The following DMD variants were observed in gnomAD, a reference collection of about 807,000 sequenced individuals.
The protein encoded by DMD is dystrophin.
Under a neutral mutation model 330.1 loss-of-function variants are expected in DMD, and 63 were observed. The observed-to-expected ratio is 0.19, with a 90% CI of 0.16 to 0.24. DMD has a LOEUF of 0.24. Among genes scored for constraint, DMD ranks in the 10% least tolerant of loss-of-function variants. The probability of loss-of-function intolerance (pLI) is 1.00; values close to 1 mark genes in which losing one functional copy is unlikely to be tolerated. For missense variants in DMD, 3,344 were observed against 2,684.1 expected (o/e 1.25, Z -5.43); for synonymous variants, 1,223 against 959.8 (o/e 1.27, Z -5.07).
rs761252730 is a variant in DMD, at chrX:32,940,880, G to C, written c.93+79259C>G. On this transcript the variant is annotated intron_variant, in intron 2 of 78. Transcript: ENST00000357033. ...GAGTAACAGACAACCTACGGAACGGGAGAAAATCATTACAAACTACATATC... is the reference window on the plus strand; with the variant it reads ...GAGTAACAGACAACCTACGGAACGGCAGAAAATCATTACAAACTACATATC... Among the ~76,000 whole-genome samples, 4 of 111,454 alleles carry C rather than the reference G, an allele frequency of 3.6e-5. No individual in the cohort carries two copies. In the South Asian group the frequency reaches 1.5e-3, roughly 41 times the overall value.
At chrX:33,330,760 C>T (rs1243089272) in intron 1 of DMD, among the ~76,000 whole-genome samples, 1 of 112,075 alleles carries the variant, frequency 8.9e-6, no homozygotes, top group Non-Finnish European at 1.9e-5. Flanking sequence ...TTTCAAGTGA[C>T]ACTTCAAATA....
chrX:31,303,362 A>G (rs2054798828), intron 62 of DMD, among the ~76,000 whole-genome samples: 1 of 111,183 alleles, frequency 9.0e-6, no homozygotes, highest in Non-Finnish European at 1.9e-5. Context: ...GATGTCACCA[A>G]TCATTTGAAA....
At chrX:32,364,818 A>T (rs1396175883) in intron 35 of DMD, 108 bp from the exon 36 acceptor site, 30 of 932,244 alleles carry the variant, frequency 3.2e-5, no homozygotes, top group Non-Finnish European at 4.5e-5. Flanking sequence ...TTTCATTGAG[A>T]TTAGTTTTAA....
At chrX:33,070,543 A>G (rs1267898985) in intron 1 of DMD, among the ~76,000 whole-genome samples, 2 of 108,809 alleles carry the variant, frequency 1.8e-5, no homozygotes, top group Non-Finnish European at 3.8e-5. Flanking sequence ...ACAAAAGGTA[A>G]AAGAAAAAAA....
intron 44 of DMD, among the ~76,000 whole-genome samples, chrX:32,096,566 C>CA (rs768098478): frequency 1.9e-3 from 175 of 94,561 alleles, no homozygotes; most frequent in African/African-American, 4.5e-3. Flanking sequence ...TAAAAAAATA[C>CA]AAAAAAAAAA....
At chrX:33,119,187 C>T (rs965368932) in intron 1 of DMD, among the ~76,000 whole-genome samples, 1 of 111,944 alleles carries the variant, frequency 8.9e-6, no homozygotes, top group Non-Finnish European at 1.9e-5. Flanking sequence ...GAGAAGGAGG[C>T]ATATAACATG....
At chrX:32,161,328 T>C (rs930779070) in intron 44 of DMD, among the ~76,000 whole-genome samples, 2 of 111,709 alleles carry the variant, frequency 1.8e-5, no homozygotes, top group Non-Finnish European at 3.8e-5. Context: ...GGTTTTCTTA[T>C]AGCCTCATAG....
intron 2 of DMD, among the ~76,000 whole-genome samples, chrX:32,882,099 G>C (rs2084006021): frequency 8.9e-6 from 1 of 111,824 alleles, no homozygotes; most frequent in Non-Finnish European, 1.9e-5. Flanking sequence ...CATCGCCCCT[G>C]CTGCAGAAAT....
At chrX:33,051,646 ATT>A (rs754035822) in intron 1 of DMD, among the ~76,000 whole-genome samples, 728 of 71,885 alleles carry the variant, frequency 0.01, 4 homozygotes, top group Non-Finnish European at 0.015. Flanking sequence ...ATTACGCTCT[ATT>A]TTTTTTTTTT....
At chrX:32,529,543 A>G (rs1161531413) in intron 17 of DMD, among the ~76,000 whole-genome samples, 2 of 107,726 alleles carry the variant, frequency 1.9e-5, no homozygotes, top group Non-Finnish European at 3.8e-5. Context: ...AGGCAAAATC[A>G]ACTTTCTAAA....
At chrX:31,428,728 G>A (rs2063855363) in intron 60 of DMD, among the ~76,000 whole-genome samples, 1 of 112,200 alleles carries the variant, frequency 8.9e-6, no homozygotes, top group African/African-American at 3.2e-5. Flanking sequence ...TATTTACCAC[G>A]CTAAGATCTA....
At chrX:31,884,721 C>G (rs1193534754) in intron 47 of DMD, among the ~76,000 whole-genome samples, 1 of 111,540 alleles carries the variant, frequency 9.0e-6, no homozygotes, top group African/African-American at 3.3e-5. Context: ...ATGTTTATTT[C>G]ACAATATGTG....
At chrX:31,458,922 T>C (rs1006900449) in intron 59 of DMD, among the ~76,000 whole-genome samples, 3 of 111,546 alleles carry the variant, frequency 2.7e-5, no homozygotes, top group African/African-American at 9.8e-5. Context: ...GGTAATATTT[T>C]ATTCACAGCA....
In DMD at chrX:31,545,227, G is replaced by A. The variant is rs555162036; in HGVS notation, c.8218-37774C>T. ...CCCAGGATCAGAACCAGAGCCTTCA[G>A]CTGGCAGCCCATTCCTTCTGCTGCT... On this transcript the variant is annotated intron_variant, in intron 55 of 78. Coordinates refer to ENST00000357033, the MANE Select transcript of DMD (RefSeq NM_004006.3). Among the ~76,000 whole-genome samples the A allele has an allele frequency of 2.7e-5, 3 of 112,177 alleles. No homozygotes were observed. The South Asian group carries it at 1.1e-3, about 42-fold the overall frequency.
chrX:33,333,674 T>C (rs1014571067), intron 1 of DMD, among the ~76,000 whole-genome samples: 5 of 111,238 alleles, frequency 4.5e-5, no homozygotes, highest in Non-Finnish European at 5.7e-5. Context: ...ATCCCTCAGC[T>C]TTATGCTTAG....
At chrX:32,075,744 CA>C (rs1365474839) in intron 44 of DMD, among the ~76,000 whole-genome samples, 158 of 96,626 alleles carry the variant, frequency 1.6e-3, no homozygotes, top group African/African-American at 3.9e-3. Context: ...GATTTCATGC[CA>C]AAAAAAAAAA....
Position 32,854,675 on chromosome X carries a change from C to CA in DMD, c.94-4856dup, listed in dbSNP as rs1392746866. 5.5e-5 allele frequency among the ~76,000 whole-genome samples: 6 copies of CA among 109,894 alleles called. No individual in the cohort carries two copies. In the East Asian group the frequency reaches 1.7e-3, roughly 32 times the overall value. On this transcript the variant is annotated intron_variant, in intron 2 of 78. Transcript: ENST00000357033. ...GAAGACATGCAAAACCCGAACAGAC[C>CA]AACAACAAGTAATGAGATCAAAGAT...
In DMD at chrX:31,968,476, G is replaced by GACA. The variant is rs1395996899; in HGVS notation, c.6474_6476dup (p.Val2159dup). ...CTTCCCCAGTTGCATTCAATGTTCT[G>GACA]ACAACAGTTTGCCGCTGCCCAATGC... is the stretch of plus-strand genomic sequence containing the variant. On this transcript the variant is annotated inframe_insertion, in exon 45 of 79. Coordinates refer to ENST00000357033, the MANE Select transcript of DMD (RefSeq NM_004006.3). The GACA allele has an allele frequency of 4.1e-6, 5 of 1,208,901 alleles. No homozygotes were observed. The highest frequency in any genetic ancestry group is 5.6e-6 in the Non-Finnish European group (5 of 894,546).
At chrX:32,434,082 C>A in intron 29 of DMD, among the ~76,000 whole-genome samples, 1 of 111,977 alleles carries the variant, frequency 8.9e-6, no homozygotes, top group Non-Finnish European at 1.9e-5. Context: ...TGGGATCTAG[C>A]AAATCTCTTT....
Sources: gnomAD v4.1 joint callset for allele counts (sites outside exome capture counted in the v4.1 genomes callset) on GRCh38, gnomAD v4.1.1 for gene constraint, MANE v1.5 for transcripts, NCBI Gene and HGNC (gene_info 2026-07-23, HGNC 2026-07-21) for gene names.